The following SPSB1 variants were observed in gnomAD, a reference collection of about 807,000 sequenced individuals.
SPSB1 encodes splA/ryanodine receptor domain and SOCS box containing 1.
A neutral mutation model predicts 21.2 loss-of-function variants in SPSB1; 8 were observed. The ratio of observed to expected loss-of-function variants is 0.38; its 90% confidence interval spans 0.22 to 0.68. The LOEUF is 0.68. Ranked by LOEUF, SPSB1 falls within the 30% of genes least tolerant of loss-of-function variation. SPSB1 has a pLI of 0.53. For missense variants in SPSB1, 242 were observed against 377.8 expected, an observed-to-expected ratio of 0.64 and a Z score of 2.98; for synonymous variants, 169 against 161.7, an observed-to-expected ratio of 1.05 and a Z score of -0.34.
intron 1 of SPSB1, among the ~76,000 whole-genome samples, chr1:9,306,925 TTC>T (rs1639422382): frequency 3.8e-5 from 1 of 26,466 alleles, no homozygotes; most frequent in Admixed American, 3.6e-4. Context: ...TTTTCTTCTT[TTC>T]TTCTTTTTTT....
intron 1 of SPSB1, among the ~76,000 whole-genome samples, chr1:9,340,003 G>T (rs1219651419): frequency 6.7e-6 from 1 of 148,774 alleles, no homozygotes; most frequent in Non-Finnish European, 1.5e-5. Flanking sequence ...CGACAGCCCT[G>T]AACCACCTGG....
At chr1:9,333,901 A>G (rs1639964524) in intron 1 of SPSB1, among the ~76,000 whole-genome samples, 1 of 152,160 alleles carries the variant, frequency 6.6e-6, no homozygotes, top group African/African-American at 2.4e-5. Context: ...GCTCAGAGGC[A>G]GGTGGGGCCT....
At position 9,299,640 on chromosome 1, in the gene SPSB1, C is replaced by T. The variant is rs564439979; in HGVS notation, c.-150+6569C>T. Among the ~76,000 whole-genome samples, 99 of 152,220 alleles carry T rather than the reference C, an allele frequency of 6.5e-4. 1 individual carries two copies. The highest frequency in any genetic ancestry group is 1.3e-3 in the Non-Finnish European group (86 of 68,022). ...GATTACAGGCATGCGCCACCACACC[C>T]AGCTAATTTTTTGTATTTAGTAGAG... is the stretch of plus-strand genomic sequence containing the variant. On this transcript the variant is annotated intron_variant, in intron 1 of 2. Transcript: ENST00000328089.
intron 1 of SPSB1, among the ~76,000 whole-genome samples, chr1:9,312,089 C>T (rs1040120511): frequency 1.3e-5 from 2 of 152,194 alleles, no homozygotes; most frequent in South Asian, 2.1e-4. Context: ...GTGATCCTCC[C>T]TCCTCAGCCT....
chr1:9,310,066 T>C (rs763587653), intron 1 of SPSB1, among the ~76,000 whole-genome samples: 1 of 130,300 alleles, frequency 7.7e-6, no homozygotes, highest in African/African-American at 2.7e-5. Flanking sequence ...TGGGGGATGG[T>C]GAGGGGCCTG....
At position 9,321,518 on chromosome 1, in the gene SPSB1, T is replaced by A. The variant is rs1639722026; in HGVS notation, c.-150+28447T>A. On this transcript the variant is annotated intron_variant, in intron 1 of 2. Coordinates refer to ENST00000328089, the MANE Select transcript of SPSB1 (RefSeq NM_025106.4). The surrounding 1 kb of genome is among the most constrained non-coding windows in gnomAD (Gnocchi z 4.8). The stretch of plus-strand genomic sequence containing the variant: ...AGACCTTTACCGAACACTTACTGCG[T>A]GCCAAGGATTCAGCTCAGAACGGGG... Among the ~76,000 whole-genome samples the A allele has an allele frequency of 3.9e-5, 6 of 152,274 alleles. No homozygotes were observed. In the South Asian group the frequency reaches 1.2e-3, roughly 32 times the overall value.
intron 1 of SPSB1, among the ~76,000 whole-genome samples, chr1:9,354,870 C>T (rs1640336546): frequency 6.6e-6 from 1 of 152,042 alleles, no homozygotes; most frequent in African/African-American, 2.4e-5. Flanking sequence ...TGAGATCTCT[C>T]CCCCAACCCA....
Position 9,367,373 on chromosome 1 carries a change from T to C in SPSB1, c.695-75T>C. The C allele has an allele frequency of 6.2e-7, 1 of 1,602,944 alleles. No individual in the cohort carries two copies. Among genetic ancestry groups the C allele is most frequent in the East Asian group, 2.2e-5 (1 of 44,826 alleles). On this transcript the variant is annotated intron_variant, in intron 2 of 2. Coordinates refer to ENST00000328089, the MANE Select transcript of SPSB1 (RefSeq NM_025106.4). This position sits in a 1 kb window ranked among gnomAD's most constrained non-coding sequence, Gnocchi z 5.9. ...GAGTGAATACTAATCAGTGATAATA[T>C]TGCTGCTGTGGTTAGCGCTGTTTGC...
intron 2 of SPSB1, among the ~76,000 whole-genome samples, chr1:9,359,754 G>T (rs1026509276): frequency 1.3e-5 from 2 of 150,426 alleles, no homozygotes; most frequent in Non-Finnish European, 3.0e-5. Flanking sequence ...GAAATGGATG[G>T]CAGAGGCAAG....
At chr1:9,318,745 G>A (rs1639655276) in intron 1 of SPSB1, among the ~76,000 whole-genome samples, 1 of 152,178 alleles carries the variant, frequency 6.6e-6, no homozygotes, top group African/African-American at 2.4e-5. Context: ...CTCAGATCAG[G>A]GCCTCTGTCA....
intron 2 of SPSB1, among the ~76,000 whole-genome samples, chr1:9,360,421 A>G (rs1217593252): frequency 2.6e-5 from 4 of 152,188 alleles, no homozygotes; most frequent in African/African-American, 9.7e-5. Flanking sequence ...GGAGGAAGAC[A>G]GACAGGGTAT....
intron 1 of SPSB1, among the ~76,000 whole-genome samples, chr1:9,320,800 G>T (rs1490858859): frequency 6.6e-6 from 1 of 152,176 alleles, no homozygotes; most frequent in Non-Finnish European, 1.5e-5. Context: ...CCTCGTGGGG[G>T]ATTTTAAATT....
At chr1:9,357,172 GGTGGATGGATGA>G (rs1328513278) in intron 2 of SPSB1, among the ~76,000 whole-genome samples, 8 of 148,858 alleles carry the variant, frequency 5.4e-5, no homozygotes, top group Non-Finnish European at 8.9e-5. Flanking sequence ...TGGATGGATG[GGTGGATGGATGA>G]GTGGATGGAT....
At chr1:9,365,627 A>G (rs1162112313) in intron 2 of SPSB1, among the ~76,000 whole-genome samples, 1 of 152,194 alleles carries the variant, frequency 6.6e-6, no homozygotes, top group African/African-American at 2.4e-5. Flanking sequence ...CCCTATACCC[A>G]TAAGCAGCCT....
chr1:9,308,047 A>G (rs951182992), intron 1 of SPSB1, among the ~76,000 whole-genome samples: 2 of 152,090 alleles, frequency 1.3e-5, no homozygotes, highest in South Asian at 2.1e-4. Context: ...CAGTATTGCA[A>G]TTTGGTGCCC....
chr1:9,300,619 G>C (rs574865317), intron 1 of SPSB1, among the ~76,000 whole-genome samples: 1 of 152,320 alleles, frequency 6.6e-6, no homozygotes, highest in East Asian at 1.9e-4. Context: ...CATCAGCCAC[G>C]AAGTTGCCAT....
intron 2 of SPSB1, among the ~76,000 whole-genome samples, chr1:9,357,095 G>T (rs1640377538): frequency 1.1e-5 from 1 of 91,904 alleles, no homozygotes; most frequent in Non-Finnish European, 2.4e-5. Flanking sequence ...GTGGGTGGAT[G>T]GATGGATGGA....
chr1:9,320,574 A>G (rs1639703682), intron 1 of SPSB1, among the ~76,000 whole-genome samples: 1 of 152,240 alleles, frequency 6.6e-6, no homozygotes, highest in Admixed American at 6.5e-5. Flanking sequence ...CTTGATACAC[A>G]GAGGAAGCAC....
intron 2 of SPSB1, among the ~76,000 whole-genome samples, chr1:9,357,901 C>T (rs1413338041): frequency 2.0e-5 from 3 of 152,162 alleles, no homozygotes; most frequent in Admixed American, 6.5e-5. Flanking sequence ...GCAAGTCCCA[C>T]GTTGGGAAGC....
Sources: gnomAD v4.1 joint callset for allele counts (sites outside exome capture counted in the v4.1 genomes callset) on GRCh38, gnomAD v4.1.1 for gene constraint, Gnocchi (gnomAD v3.1) non-coding constraint, MANE v1.5 for transcripts, NCBI Gene and HGNC (gene_info 2026-07-23, HGNC 2026-07-21) for gene names.